The following KCTD8 variants were observed in gnomAD, a reference collection of about 807,000 sequenced individuals.
KCTD8 encodes the protein potassium channel tetramerization domain containing 8, also known as BTB/POZ domain-containing protein KCTD8.
In KCTD8, 27 loss-of-function variants were observed where a neutral mutation model predicts 31.5. The ratio of observed to expected loss-of-function variants is 0.86; its 90% CI spans 0.63 to 1.18. KCTD8 has a LOEUF of 1.18. Among genes scored for constraint, KCTD8 ranks in the 50% most tolerant of loss-of-function variants. The pLI is 0.00. For missense variants in KCTD8, 658 were observed against 647.7 expected (o/e 1.02, Z -0.17); for synonymous variants, 290 against 280.0 (o/e 1.04, Z -0.36).
At chr4:44,351,706 T>C (rs1560433466) in intron 1 of KCTD8, among the ~76,000 whole-genome samples, 2 of 152,024 alleles carry the variant, frequency 1.3e-5, no homozygotes, top group South Asian at 2.1e-4. Flanking sequence ...CAATAGAACA[T>C]AGAGATCATA....
chr4:44,194,869 T>C (rs1426101933), intron 1 of KCTD8, among the ~76,000 whole-genome samples: 2 of 139,896 alleles, frequency 1.4e-5, no homozygotes. Context: ...CTCTCTTTTT[T>C]TTTTGGATGG....
At chr4:44,344,081 T>C (rs563697750) in intron 1 of KCTD8, among the ~76,000 whole-genome samples, 2 of 152,184 alleles carry the variant, frequency 1.3e-5, no homozygotes, top group African/African-American at 4.8e-5. Flanking sequence ...ATGGTCTTGA[T>C]TTCTTGACCT....
At chr4:44,260,526 G>A (rs747191881) in intron 1 of KCTD8, among the ~76,000 whole-genome samples, 3 of 151,928 alleles carry the variant, frequency 2.0e-5, no homozygotes, top group Non-Finnish European at 4.4e-5. Context: ...ACTTAAGATA[G>A]GGTGGTCACA....
chr4:44,296,298 C>G (rs563398609), intron 1 of KCTD8, among the ~76,000 whole-genome samples: 3 of 151,444 alleles, frequency 2.0e-5, no homozygotes, highest in African/African-American at 4.9e-5. Context: ...GAATTCCTTT[C>G]TAGCCAAAAT....
chr4:44,228,948 A>C (rs917602692), intron 1 of KCTD8, among the ~76,000 whole-genome samples: 1 of 152,224 alleles, frequency 6.6e-6, no homozygotes, highest in South Asian at 2.1e-4. Flanking sequence ...CATTGCCTTT[A>C]AAATGAAATA....
intron 1 of KCTD8, among the ~76,000 whole-genome samples, chr4:44,417,488 CTT>C (rs1362077351): frequency 6.8e-6 from 1 of 146,998 alleles, no homozygotes; most frequent in Non-Finnish European, 1.5e-5. Flanking sequence ...TTGCCACACT[CTT>C]TTTATAATCA....
chr4:44,367,054 T>C (rs1560437361), intron 1 of KCTD8, among the ~76,000 whole-genome samples: 1 of 152,164 alleles, frequency 6.6e-6, no homozygotes. Flanking sequence ...CCAGCCACAC[T>C]AGTCTTCCTT....
In KCTD8 at chr4:44,282,244, G is replaced by A. The variant is rs189081177; in HGVS notation, c.962-106994C>T. Among the ~76,000 whole-genome samples the A allele has an allele frequency of 1.4e-3, 214 of 151,948 alleles. 1 individual carries two copies. Among genetic ancestry groups the A allele is most frequent in the Non-Finnish European group, 2.3e-3 (155 of 67,950 alleles). On this transcript the variant is annotated intron_variant, in intron 1 of 1. Transcript: ENST00000360029. ...CTTTGTGTCTCTGTGTCACATGTTC[G>A]TCATTCTCACATTATTCCAAATGTT...
chr4:44,430,807 C>T (rs1228768274), intron 1 of KCTD8, among the ~76,000 whole-genome samples: 1 of 151,450 alleles, frequency 6.6e-6, no homozygotes, highest in East Asian at 1.9e-4. Context: ...TCAGTAAGCT[C>T]CCTTAGGCAC....
intron 1 of KCTD8, among the ~76,000 whole-genome samples, chr4:44,276,922 A>G (rs976644700): frequency 2.0e-5 from 3 of 151,986 alleles, no homozygotes; most frequent in Admixed American, 6.6e-5. Flanking sequence ...TAAGTACTCT[A>G]TGTACACCAC....
At chr4:44,237,923 T>C (rs1353227148) in intron 1 of KCTD8, among the ~76,000 whole-genome samples, 1 of 152,108 alleles carries the variant, frequency 6.6e-6, no homozygotes, top group Non-Finnish European at 1.5e-5. Context: ...AATGTGTACA[T>C]ACCCAAATCT....
intron 1 of KCTD8, among the ~76,000 whole-genome samples, chr4:44,358,543 C>T (rs1719405615): frequency 6.6e-6 from 1 of 151,364 alleles, no homozygotes; most frequent in Admixed American, 6.6e-5. Context: ...TCTCCACATC[C>T]TCTCCAGATC....
At chr4:44,358,715 C>T (rs930026221) in intron 1 of KCTD8, among the ~76,000 whole-genome samples, 1 of 152,074 alleles carries the variant, frequency 6.6e-6, no homozygotes, top group Non-Finnish European at 1.5e-5. Flanking sequence ...ACTACAGGTG[C>T]CCACCACCAC....
At chr4:44,336,837 T>C (rs547892818) in intron 1 of KCTD8, among the ~76,000 whole-genome samples, 23 of 152,102 alleles carry the variant, frequency 1.5e-4, no homozygotes, top group Admixed American at 1.5e-3. Flanking sequence ...TGCTTTGTTT[T>C]TAAAAAAGAA....
chr4:44,419,150 C>T (rs578006084), intron 1 of KCTD8, among the ~76,000 whole-genome samples: 11 of 152,240 alleles, frequency 7.2e-5, no homozygotes, highest in African/African-American at 2.6e-4. Context: ...CCCCAAAACC[C>T]ATGGACAAAA....
intron 1 of KCTD8, among the ~76,000 whole-genome samples, chr4:44,396,061 C>CCT (rs1301977454): frequency 5.3e-5 from 8 of 151,934 alleles, no homozygotes; most frequent in Non-Finnish European, 7.4e-5. Context: ...TCAGTGGGAG[C>CCT]CCTGAGCTTG....
intron 1 of KCTD8, among the ~76,000 whole-genome samples, chr4:44,184,132 A>G (rs2109331775): frequency 6.6e-6 from 1 of 152,352 alleles, no homozygotes; most frequent in African/African-American, 2.4e-5. Context: ...GCTTGGGGTG[A>G]CAAGTGCAGA....
At chr4:44,297,027 A>C (rs1380423242) in intron 1 of KCTD8, among the ~76,000 whole-genome samples, 1 of 152,158 alleles carries the variant, frequency 6.6e-6, no homozygotes, top group Non-Finnish European at 1.5e-5. Flanking sequence ...ATTTAATGCT[A>C]TAGAAGCAGA....
At chr4:44,369,440 C>T (rs1424287373) in intron 1 of KCTD8, among the ~76,000 whole-genome samples, 1 of 152,184 alleles carries the variant, frequency 6.6e-6, no homozygotes, top group African/African-American at 2.4e-5. Context: ...AAGGAATTTG[C>T]AAATTACAGA....
Sources: allele counts gnomAD v4.1 joint callset (sites outside exome capture counted in the v4.1 genomes callset), GRCh38; gene constraint gnomAD v4.1.1; transcripts MANE v1.5; gene names NCBI Gene and HGNC (gene_info 2026-07-23, HGNC 2026-07-21).